Variants in RIC1 observed in about 807,000 individuals in gnomAD.
RIC1 encodes guanine nucleotide exchange factor subunit RIC1.
RIC1 carries 88 observed loss-of-function variants against 169.0 expected under a neutral mutation model. The observed-to-expected ratio is 0.52, with a 90% CI of 0.44 to 0.62. The LOEUF (loss-of-function observed/expected upper bound fraction) is 0.62, where lower values mean the gene tolerates loss of function less well. Ranked by LOEUF, RIC1 falls within the 20% of genes least tolerant of loss-of-function variation. The pLI is 0.00. For synonymous variants in RIC1, 790 were observed against 601.5 expected (o/e 1.31, Z -4.59); for missense variants, 1,877 against 1,725.5 (o/e 1.09, Z -1.56).
chr9:5,659,236 C>G (rs1021631809), intron 2 of RIC1, among the ~76,000 whole-genome samples: 6 of 152,112 alleles, frequency 3.9e-5, no homozygotes, highest in African/African-American at 1.2e-4. Flanking sequence ...CTGGATGCTC[C>G]ATTCTGTTTC....
intron 10 of RIC1, among the ~76,000 whole-genome samples, chr9:5,745,479 C>T (rs893344537): frequency 1.3e-5 from 2 of 152,160 alleles, no homozygotes; most frequent in Non-Finnish European, 2.9e-5. Flanking sequence ...ATAATGAAGA[C>T]TCTAGTCTCA....
intron 1 of RIC1, among the ~76,000 whole-genome samples, chr9:5,634,633 A>G (rs778811945): frequency 1.3e-5 from 2 of 151,830 alleles, no homozygotes; most frequent in South Asian, 4.2e-4. Flanking sequence ...TTTTAGATGT[A>G]TGGTTTGCAG....
chr9:5,741,773 G>GT, intron 8 of RIC1, among the ~76,000 whole-genome samples: 1 of 152,144 alleles, frequency 6.6e-6, no homozygotes, highest in Non-Finnish European at 1.5e-5. Flanking sequence ...TTCTGAGTCT[G>GT]TTTCTGCCAT....
chr9:5,651,344 C>A (rs10975209), intron 1 of RIC1, among the ~76,000 whole-genome samples: 49,521 of 151,440 alleles, frequency 0.33, 8,604 homozygotes, highest in East Asian at 0.59. Context: ...AAGTGTGACT[C>A]CTCCCTGTTT....
At chr9:5,731,356 TATTAAA>T (rs1249183375) in intron 6 of RIC1, among the ~76,000 whole-genome samples, 1 of 152,156 alleles carries the variant, frequency 6.6e-6, no homozygotes, top group Non-Finnish European at 1.5e-5. Flanking sequence ...CCAGTTTTAT[TATTAAA>T]ATTAAAAGAT....
intron 12 of RIC1, among the ~76,000 whole-genome samples, chr9:5,750,707 T>TAAC (rs1825669043): frequency 6.6e-6 from 1 of 151,860 alleles, no homozygotes; most frequent in African/African-American, 2.4e-5. Flanking sequence ...ACCTTAGCAC[T>TAAC]CAGTTTTCCA....
intron 1 of RIC1, among the ~76,000 whole-genome samples, chr9:5,654,671 C>T (rs1004128656): frequency 1.1e-4 from 17 of 152,182 alleles, no homozygotes; most frequent in Non-Finnish European, 1.9e-4. Context: ...TCCTGAGTAG[C>T]TGGGATTAAT....
intron 6 of RIC1, among the ~76,000 whole-genome samples, chr9:5,728,877 C>T (rs955986781): frequency 3.9e-5 from 6 of 152,156 alleles, no homozygotes; most frequent in African/African-American, 1.4e-4. Flanking sequence ...TGACAGAGAC[C>T]TAAAATTAAA....
intron 1 of RIC1, among the ~76,000 whole-genome samples, chr9:5,651,344 C>G (rs10975209): frequency 1.3e-5 from 2 of 151,552 alleles, no homozygotes; most frequent in South Asian, 4.2e-4. Context: ...AAGTGTGACT[C>G]CTCCCTGTTT....
chr9:5,709,771 G>C (rs974467193), intron 3 of RIC1, among the ~76,000 whole-genome samples: 1 of 152,020 alleles, frequency 6.6e-6, no homozygotes, highest in African/African-American at 2.4e-5. Flanking sequence ...ATTTTTTAAA[G>C]TTTGCTCTAT....
chr9:5,751,856 C>CA (rs1182931363), intron 12 of RIC1, among the ~76,000 whole-genome samples: 1 of 152,174 alleles, frequency 6.6e-6, no homozygotes, highest in East Asian at 1.9e-4. Context: ...TCTGTCTTCA[C>CA]ATTACATACA....
chr9:5,771,735 T>C (rs1028610150), intron 23 of RIC1, among the ~76,000 whole-genome samples: 4 of 152,262 alleles, frequency 2.6e-5, no homozygotes, highest in African/African-American at 7.2e-5. Flanking sequence ...GCCATCACTT[T>C]AGAAAACTTT....
chr9:5,643,772 A>G (rs1818368971), intron 1 of RIC1, among the ~76,000 whole-genome samples: 1 of 152,216 alleles, frequency 6.6e-6, no homozygotes, highest in Non-Finnish European at 1.5e-5. Context: ...TTAGTTTGTT[A>G]GGCAATTTAT....
Position 5,743,033 on chromosome 9 carries a change from T to G in RIC1, c.1046+20T>G, listed in dbSNP as rs750355833. 5 of 1,596,472 alleles carry G rather than the reference T, an allele frequency of 3.1e-6. No individual in the cohort carries two copies. Among genetic ancestry groups the G allele is most frequent in the Non-Finnish European group, 4.3e-6 (5 of 1,174,564 alleles). ...TTTTGCGTAAGTCAAAAAAGACAAT[T>G]TTTAGATAAAATAACTCCATTATTT... On this transcript the variant is annotated intron_variant, in intron 9 of 25. Coordinates refer to ENST00000414202, the MANE Select transcript of RIC1 (RefSeq NM_020829.4).
At chr9:5,744,862 C>T (rs994851140) in intron 10 of RIC1, among the ~76,000 whole-genome samples, 1 of 152,132 alleles carries the variant, frequency 6.6e-6, no homozygotes, top group Non-Finnish European at 1.5e-5. Context: ...GCTATAGCCC[C>T]TCTGCATACC....
chr9:5,698,730 G>A (rs1380879880), intron 3 of RIC1, among the ~76,000 whole-genome samples: 1 of 152,142 alleles, frequency 6.6e-6, no homozygotes, highest in Admixed American at 6.5e-5. Context: ...TTTCTGTGCT[G>A]TGTGTCTATA....
chr9:5,755,479 T>G (rs1276117889), intron 15 of RIC1, among the ~76,000 whole-genome samples: 3 of 152,230 alleles, frequency 2.0e-5, no homozygotes, highest in African/African-American at 7.2e-5. Context: ...TCTCTCAGAA[T>G]ATCTTAGTAT....
intron 17 of RIC1, among the ~76,000 whole-genome samples, chr9:5,760,612 C>T (rs186398540): frequency 6.6e-6 from 1 of 152,186 alleles, no homozygotes; most frequent in Non-Finnish European, 1.5e-5. Flanking sequence ...CCTCTGCCAT[C>T]TAGCTACATT....
intron 3 of RIC1, among the ~76,000 whole-genome samples, chr9:5,708,611 G>C (rs1822743779): frequency 6.6e-6 from 1 of 152,018 alleles, no homozygotes; most frequent in Admixed American, 6.5e-5. Flanking sequence ...ATGAAAAGTT[G>C]GCTGTCAGTC....
Sources: allele counts gnomAD v4.1 joint callset (sites outside exome capture counted in the v4.1 genomes callset), GRCh38; gene constraint gnomAD v4.1.1; transcripts MANE v1.5; gene names NCBI Gene and HGNC (gene_info 2026-07-23, HGNC 2026-07-21).